The following PCBP2 variants were observed in gnomAD, a reference collection of about 807,000 sequenced individuals.
PCBP2 encodes poly(rC)-binding protein 2.
A neutral mutation model predicts 50.1 loss-of-function variants in PCBP2; 4 were observed. That is an observed-to-expected ratio of 0.08 (90% CI 0.04 to 0.18). The LOEUF is 0.18. Among genes scored for constraint, PCBP2 ranks in the 10% least tolerant of loss-of-function variants. The pLI is 1.00. For missense variants in PCBP2, 161 were observed against 474.3 expected (o/e 0.34, Z 6.14); for synonymous variants, 179 against 168.0 (o/e 1.07, Z -0.51).
In PCBP2 at chr12:53,456,449, C is replaced by G. The variant is rs572650302; in HGVS notation, c.243+448C>G. On this transcript the variant is annotated intron_variant, in intron 5 of 14. Coordinates refer to ENST00000546463, the MANE Select transcript of PCBP2 (RefSeq NM_031989.5). ...CTCCAGCCTGGGCAACAGAGTGAGA[C>G]TCTGTCTCAAAAAAAAAAAAAAGTC... 3.8e-3 allele frequency among the ~76,000 whole-genome samples: 570 copies of G among 150,728 alleles called. 3 individuals carry two copies. Among genetic ancestry groups the G allele is most frequent in the African/African-American group, 0.013 (541 of 40,936 alleles).
chr12:53,471,305 T>G (rs1169835353), intron 13 of PCBP2, among the ~76,000 whole-genome samples: 1 of 149,692 alleles, frequency 6.7e-6, no homozygotes, highest in African/African-American at 2.5e-5. Context: ...AAGGGCCAGG[T>G]TCGGTGGCTT....
chr12:53,454,169 G>T (rs1940812479), intron 1 of PCBP2, among the ~76,000 whole-genome samples: 2 of 152,178 alleles, frequency 1.3e-5, no homozygotes, highest in African/African-American at 4.8e-5. Flanking sequence ...TTCAGTGAGG[G>T]TGTTGATCTA....
intron 6 of PCBP2, chr12:53,460,343 C>T: frequency 2.7e-6 from 1 of 367,200 alleles, no homozygotes; most frequent in African/African-American, 2.2e-5. Context: ...ACGAGTCTCA[C>T]TGTTTTGCTC....
intron 14 of PCBP2, among the ~76,000 whole-genome samples, chr12:53,473,977 C>T (rs964260004): frequency 6.6e-6 from 1 of 152,120 alleles, no homozygotes; most frequent in African/African-American, 2.4e-5. Flanking sequence ...CTCTTGAAGA[C>T]TTAGCGTTGT....
At chr12:53,470,252 C>T (rs951898873) in intron 13 of PCBP2, among the ~76,000 whole-genome samples, 2 of 151,664 alleles carry the variant, frequency 1.3e-5, no homozygotes, top group Non-Finnish European at 2.9e-5. Context: ...CTGGCCCGCA[C>T]CTGTAATCCC....
chr12:53,460,388 C>T (rs145383487), intron 6 of PCBP2: 34 of 399,370 alleles, frequency 8.5e-5, no homozygotes, highest in African/African-American at 4.8e-4. Flanking sequence ...TCCGATGATT[C>T]GACTGCCTTG....
intron 14 of PCBP2, among the ~76,000 whole-genome samples, chr12:53,473,620 G>A (rs1440404194): frequency 6.6e-6 from 1 of 152,142 alleles, no homozygotes; most frequent in African/African-American, 2.4e-5. Flanking sequence ...CAGGATCATT[G>A]TTACTGAATA....
chr12:53,456,711 T>C (rs189981934), intron 5 of PCBP2, among the ~76,000 whole-genome samples: 12 of 152,342 alleles, frequency 7.9e-5, no homozygotes, highest in Admixed American at 5.9e-4. Context: ...GAGACCTAGG[T>C]TATCAGAAGG....
At chr12:53,462,349 TAG>T in intron 7 of PCBP2, 142 bp from the exon 8 acceptor site, 1 of 555,064 alleles carries the variant, frequency 1.8e-6, no homozygotes. Context: ...AAATTGAGAT[TAG>T]ATCTAGCCAG....
chr12:53,471,916 G>A (rs1016407053), intron 14 of PCBP2, 109 bp downstream of exon 14: 10 of 790,700 alleles, frequency 1.3e-5, no homozygotes, highest in East Asian at 1.1e-4. Flanking sequence ...GGTAAAGATG[G>A]CCAAAAGGTT....
chr12:53,475,033 A>C (rs1942484291), intron 14 of PCBP2: 1 of 454,980 alleles, frequency 2.2e-6, no homozygotes, highest in Non-Finnish European at 4.4e-6. Context: ...AGCCTCCCCA[A>C]CCCTCTTCCG....
chr12:53,458,513 G>T (rs1941212056), intron 5 of PCBP2, among the ~76,000 whole-genome samples: 1 of 151,744 alleles, frequency 6.6e-6, no homozygotes, highest in African/African-American at 2.4e-5. Context: ...CACCATGTTG[G>T]CCAGGCTGGT....
At position 53,454,886 on chromosome 12, in the gene PCBP2, G is replaced by T. The variant is rs1222854611; in HGVS notation, c.69+17G>T. Reference sequence around the variant, plus strand: ...CATGGAAAGGTATGCTCTAGCTTGGGAAATGGGGTCATAGTAACTGCTAGG... The same window carrying T: ...CATGGAAAGGTATGCTCTAGCTTGGTAAATGGGGTCATAGTAACTGCTAGG... On this transcript the variant is annotated intron_variant, in intron 2 of 14. Coordinates refer to ENST00000546463, the MANE Select transcript of PCBP2 (RefSeq NM_031989.5). 8.7e-6 allele frequency: 14 copies of T among 1,609,694 alleles called. No individual in the cohort carries two copies. The highest frequency in any genetic ancestry group is 1.2e-5 in the Non-Finnish European group (14 of 1,175,948).
rs546770710 is a variant in PCBP2 at position 53,460,740 on chromosome 12, A to G, written c.376-275A>G. On this transcript the variant is annotated intron_variant, in intron 6 of 14. Coordinates refer to ENST00000546463, the MANE Select transcript of PCBP2 (RefSeq NM_031989.5). ...CGCCCAGAGAACTATCATTAGTTGAAAGGCAACTATTTAGAAGGACCTTTT... is the reference window on the plus strand; with the variant it reads ...CGCCCAGAGAACTATCATTAGTTGAGAGGCAACTATTTAGAAGGACCTTTT... 9.8e-6 allele frequency: 3 copies of G among 306,066 alleles called. No individual in the cohort carries two copies. The South Asian group carries it at 1.0e-4, about 10-fold the overall frequency. 19.0% of individuals were successfully genotyped at this position (306,066 alleles called of 1,614,324 possible).
intron 5 of PCBP2, among the ~76,000 whole-genome samples, chr12:53,456,623 A>G (rs1413185800): frequency 1.3e-5 from 2 of 152,214 alleles, no homozygotes; most frequent in East Asian, 1.9e-4. Flanking sequence ...TATAAACACA[A>G]ATAATCTTCC....
At chr12:53,468,669 C>G in intron 12 of PCBP2, 108 bp from the exon 13 acceptor site, 1 of 840,426 alleles carries the variant, frequency 1.2e-6, no homozygotes, top group Non-Finnish European at 2.0e-6. Context: ...ATCCCAACAG[C>G]TAATGATGCT....
At chr12:53,463,899 G>A (rs1339334686) in intron 8 of PCBP2, among the ~76,000 whole-genome samples, 2 of 152,222 alleles carry the variant, frequency 1.3e-5, no homozygotes, top group African/African-American at 4.8e-5. Flanking sequence ...TTCACATTGT[G>A]TTGAATTGGC....
chr12:53,466,998 A>G (rs1167926872), intron 10 of PCBP2, among the ~76,000 whole-genome samples: 2 of 151,988 alleles, frequency 1.3e-5, no homozygotes, highest in East Asian at 1.9e-4. Context: ...CCACACCCAA[A>G]AGGCATTCAT....
chr12:53,462,951 C>T (rs1425449398), intron 8 of PCBP2, among the ~76,000 whole-genome samples: 1 of 152,128 alleles, frequency 6.6e-6, no homozygotes, highest in Non-Finnish European at 1.5e-5. Flanking sequence ...ATGGTGGTCT[C>T]AAAATTTGGG....
Sources: gnomAD v4.1 joint callset for allele counts (sites outside exome capture counted in the v4.1 genomes callset) on GRCh38, gnomAD v4.1.1 for gene constraint, MANE v1.5 for transcripts, NCBI Gene and HGNC (gene_info 2026-07-23, HGNC 2026-07-21) for gene names.